Variants in SNAPC5 observed in about 807,000 individuals in gnomAD.
SNAPC5 encodes the protein snRNA-activating protein complex subunit 5.
In SNAPC5, 12 loss-of-function variants were observed where a neutral mutation model predicts 9.1. The ratio of observed to expected loss-of-function variants is 1.32; its 90% CI spans 0.85 to 2.15. The LOEUF is 2.15. Ranked by LOEUF, SNAPC5 falls within the 30% of genes most tolerant of loss-of-function variation. The pLI is 0.00. For missense variants in SNAPC5, 132 were observed against 114.4 expected, an observed-to-expected ratio of 1.15 and a Z score of -0.70; for synonymous variants, 52 against 47.3, an observed-to-expected ratio of 1.10 and a Z score of -0.41.
chr15:66,492,729 G>T (rs35596743), downstream of SNAPC5, among the ~76,000 whole-genome samples: 1 of 151,714 alleles, frequency 6.6e-6, no homozygotes, highest in South Asian at 2.1e-4. Flanking sequence ...TATGATCCCC[G>T]CATGAATCTT....
At chr15:66,495,595 G>A (rs971993499) in intron 1 of SNAPC5, among the ~76,000 whole-genome samples, 176 bp from the exon 2 acceptor site, 20 of 152,172 alleles carry the variant, frequency 1.3e-4, no homozygotes, top group African/African-American at 4.8e-4. Context: ...CTCTTTTAAG[G>A]AGATGAGTAA....
At chr15:66,494,640 C>T in intron 2 of SNAPC5, 88 bp from the exon 3 acceptor site, 1 of 895,948 alleles carries the variant, frequency 1.1e-6, no homozygotes, top group Middle Eastern at 2.2e-4. Flanking sequence ...AATCAGATCT[C>T]AATTGCATAT....
chr15:66,489,822 C>CA (rs1282664634), downstream of SNAPC5: 18 of 1,405,696 alleles, frequency 1.3e-5, no homozygotes, highest in African/African-American at 2.5e-4. Context: ...TCTTCTCTGT[C>CA]AGTCATCTGT....
At chr15:66,491,391 C>G (rs905309165), downstream of SNAPC5, 1 of 231,348 alleles carries the variant, frequency 4.3e-6, no homozygotes, top group Non-Finnish European at 8.6e-6. Flanking sequence ...TTTATCTTTC[C>G]CCATATCCAA....
Position 66,494,490 on chromosome 15 carries a change from CT to C in SNAPC5, c.242del (p.Lys81ArgfsTer4). 6.2e-7 allele frequency: 1 copy of C among 1,614,016 alleles called. No homozygotes were observed. The highest frequency in any genetic ancestry group is 8.5e-7 in the Non-Finnish European group (1 of 1,180,018). On this transcript the variant is annotated frameshift_variant, in exon 3 of 3. Transcript: ENST00000316634. LOFTEE classifies it high-confidence loss of function. Reference protein sequence around the residue: ...INQTTLELSTKSHVTEEEEEE... With the variant: ...INQTTLELSTXSHVTEEEEEE... Reference sequence around the variant, plus strand: ...CCTCCTCCTCTTCCGTCACATGACTCTTTGTGCTCAGCTCCAGGGTTGTTTG... The same window carrying C: ...CCTCCTCCTCTTCCGTCACATGACTCTTGTGCTCAGCTCCAGGGTTGTTTG...
At chr15:66,490,226 A>G (rs1393900138), downstream of SNAPC5, 2 of 586,654 alleles carry the variant, frequency 3.4e-6, no homozygotes, top group African/African-American at 1.9e-5. Context: ...TGTCCCTTCT[A>G]ACAAGCCTGT....
At chr15:66,495,094 C>T (rs924862109) in intron 2 of SNAPC5, 18 of 527,774 alleles carry the variant, frequency 3.4e-5, no homozygotes, top group Middle Eastern at 8.5e-4. Flanking sequence ...GAATGGATGA[C>T]GAGGAGGATG....
rs746148960 is a variant in SNAPC5, at chr15:66,497,612, A to G, written c.90+30T>C. The G allele has an allele frequency of 4.4e-6, 7 of 1,597,884 alleles. No individual in the cohort carries two copies. The East Asian group carries it at 1.3e-4, about 31-fold the overall frequency. On this transcript the variant is annotated intron_variant, in intron 1 of 2. Coordinates refer to ENST00000316634, the MANE Select transcript of SNAPC5 (RefSeq NM_001329615.2). Reference sequence around the variant, plus strand: ...GGAAATGGTCGCTCGGGAGGAATGGAGGAGGGGCAGGAGAGGGCCGCGGGG... The same window carrying G: ...GGAAATGGTCGCTCGGGAGGAATGGGGGAGGGGCAGGAGAGGGCCGCGGGG...
intron 1 of SNAPC5, chr15:66,497,078 T>C: frequency 6.2e-6 from 1 of 161,602 alleles, no homozygotes; most frequent in Non-Finnish European, 1.4e-5. Flanking sequence ...CACGTGGGCC[T>C]AAATCCCGAC....
At chr15:66,490,631 C>G, downstream of SNAPC5, 3 of 1,601,764 alleles carry the variant, frequency 1.9e-6, no homozygotes, top group Non-Finnish European at 2.6e-6. Context: ...TGGGAAGCAA[C>G]AAAGAGCGAG....
intron 2 of SNAPC5, chr15:66,495,114 C>T (rs1051831440): frequency 8.9e-6 from 5 of 564,686 alleles, no homozygotes; most frequent in Middle Eastern, 3.2e-4. Flanking sequence ...GGAGGTAAAA[C>T]ATTAGTAACT....
downstream of SNAPC5, chr15:66,491,277 C>A (rs1893248713): frequency 4.2e-6 from 1 of 237,450 alleles, no homozygotes; most frequent in East Asian, 6.1e-5. Context: ...TTTCAGTATA[C>A]TGTGTGGGAT....
chr15:66,492,034 A>G (rs1179965798), downstream of SNAPC5: 1 of 456,438 alleles, frequency 2.2e-6, no homozygotes, highest in East Asian at 7.0e-5. Flanking sequence ...AACATAGGAC[A>G]GTCTGTCTCC....
intron 1 of SNAPC5, among the ~76,000 whole-genome samples, chr15:66,495,944 C>T (rs1012126441): frequency 6.6e-6 from 1 of 152,162 alleles, no homozygotes; most frequent in Non-Finnish European, 1.5e-5. Context: ...CTAAGGAGGC[C>T]GGGCGCGGTG....
chr15:66,495,404 G>A lies in SNAPC5; in HGVS notation c.106C>T (p.Leu36Phe). Residue 36 changes from leucine to phenylalanine, a missense_variant, in exon 2 of 3, where the codon CTC (leucine) becomes TTC (phenylalanine). Coordinates refer to ENST00000316634, the MANE Select transcript of SNAPC5 (RefSeq NM_001329615.2). Reference sequence around the variant, plus strand: ...CTTCTAGAACTGATCATTGATTGGAGGGCTAATTCTTCAACCTAGAAAAGA... The same window carrying A: ...CTTCTAGAACTGATCATTGATTGGAAGGCTAATTCTTCAACCTAGAAAAGA... ...LNRLKVEELA[L>F]QSMISSRRGD... 2 of 1,601,208 alleles carry A rather than the reference G, an allele frequency of 1.2e-6. No individual in the cohort carries two copies. Among genetic ancestry groups the A allele is most frequent in the Non-Finnish European group, 1.7e-6 (2 of 1,168,170 alleles).
chr15:66,490,147 C>A (rs544524256), downstream of SNAPC5: 10 of 509,330 alleles, frequency 2.0e-5, no homozygotes, highest in African/African-American at 1.7e-4. Flanking sequence ...CTAAGTAATA[C>A]TGTAAATATC....
rs1328533958 is a variant in SNAPC5, at chr15:66,493,653, TCAAACAAAA to T, written c.*774_*782del. 1 of 134,670 alleles carries T rather than the reference TCAAACAAAA, an allele frequency of 7.4e-6. No homozygotes were observed. The highest frequency in any genetic ancestry group is 1.7e-5 in the Non-Finnish European group (1 of 59,866). 8.3% of individuals were successfully genotyped at this position (134,670 alleles called of 1,614,324 possible). ...TGGGCAATAAGAGTGAAACTCCGTC[TCAAACAAAA>T]CAAAACAAAAAACAAAACAAAAAAT... is the stretch of plus-strand genomic sequence containing the variant. On this transcript the variant is annotated 3_prime_UTR_variant, in exon 3 of 3. Coordinates refer to ENST00000316634, the MANE Select transcript of SNAPC5 (RefSeq NM_001329615.2).
At chr15:66,495,116 T>C (rs1741956230) in intron 2 of SNAPC5, 3 of 568,150 alleles carry the variant, frequency 5.3e-6, no homozygotes, top group South Asian at 4.3e-5. Flanking sequence ...AGGTAAAACA[T>C]TAGTAACTAC....
intron 1 of SNAPC5, chr15:66,497,397 G>C (rs1009362025): frequency 4.0e-5 from 24 of 596,220 alleles, no homozygotes; most frequent in African/African-American, 3.9e-4. Flanking sequence ...GCCAAACACA[G>C]ATCCCTGAGC....
Sources: gnomAD v4.1 joint callset for allele counts (sites outside exome capture counted in the v4.1 genomes callset) on GRCh38, gnomAD v4.1.1 for gene constraint, MANE v1.5 for transcripts, NCBI Gene and HGNC (gene_info 2026-07-23, HGNC 2026-07-21) for gene names.